Variants in CTNND2 observed in about 807,000 individuals in gnomAD.
CTNND2 encodes catenin delta 2.
CTNND2 carries 22 observed loss-of-function variants against 144.4 expected under a neutral mutation model. That is an observed-to-expected ratio of 0.15 (90% CI 0.11 to 0.22). The LOEUF (loss-of-function observed/expected upper bound fraction) is 0.22, where lower values mean the gene tolerates loss of function less well. CTNND2 is among the 10% of genes least tolerant of loss of function. The pLI is 1.00. For synonymous variants in CTNND2, 751 were observed against 695.6 expected, an observed-to-expected ratio of 1.08 and a Z score of -1.25; for missense variants, 1,353 against 1,618.8, an observed-to-expected ratio of 0.84 and a Z score of 2.82.
At chr5:11,285,725 C>A (rs1747653981) in intron 9 of CTNND2, among the ~76,000 whole-genome samples, 1 of 152,154 alleles carries the variant, frequency 6.6e-6, no homozygotes, top group Non-Finnish European at 1.5e-5. Context: ...ATTCTTACCT[C>A]CGCTTCCCTC....
At chr5:11,240,376 ACACATACACT>A (rs1742165956) in intron 9 of CTNND2, among the ~76,000 whole-genome samples, 2 of 27,844 alleles carry the variant, frequency 7.2e-5, no homozygotes, top group Non-Finnish European at 1.3e-4. Flanking sequence ...CACCCAACAC[ACACATACACT>A]CACACACCCA....
chr5:11,353,803 C>CA lies in CTNND2; in HGVS notation c.1373-7177dup, dbSNP rs762692283. On this transcript the variant is annotated intron_variant, in intron 8 of 21. Transcript: ENST00000304623. ...GGGCGACAAGAGCAAGACTCCATTTCAAAAAAAAAAAAAACATTGTATTAT... is the reference window on the plus strand; with the variant it reads ...GGGCGACAAGAGCAAGACTCCATTTCAAAAAAAAAAAAAAACATTGTATTAT... 6.7e-3 allele frequency among the ~76,000 whole-genome samples: 813 copies of CA among 121,238 alleles called. 2 individuals are homozygous for CA. The highest frequency in any genetic ancestry group is 9.9e-3 in the South Asian group (38 of 3,830). The allele number at this position is 121,238 out of a possible 152,430, so 79.5% of individuals were successfully genotyped here.
At chr5:11,387,418 C>T (rs1023740136) in intron 6 of CTNND2, among the ~76,000 whole-genome samples, 4 of 151,988 alleles carry the variant, frequency 2.6e-5, no homozygotes, top group Admixed American at 1.3e-4. Flanking sequence ...TTGGAGGGTG[C>T]GGAGTGGGCC....
At chr5:11,631,768 C>T (rs1781426751) in intron 2 of CTNND2, among the ~76,000 whole-genome samples, 1 of 152,186 alleles carries the variant, frequency 6.6e-6, no homozygotes, top group Non-Finnish European at 1.5e-5. Context: ...AGACTAATGA[C>T]TCTGATTGGC....
chr5:11,800,951 A>T (rs1003957877), intron 1 of CTNND2, among the ~76,000 whole-genome samples: 2 of 152,194 alleles, frequency 1.3e-5, no homozygotes, highest in Non-Finnish European at 2.9e-5. Context: ...TTCTAATGAG[A>T]AGGTACATAC....
chr5:11,318,408 T>C (rs1156318584), intron 9 of CTNND2, among the ~76,000 whole-genome samples: 1 of 152,138 alleles, frequency 6.6e-6, no homozygotes, highest in Admixed American at 6.6e-5. Flanking sequence ...TCCCTTCAAG[T>C]GGGCACTCAG....
intron 1 of CTNND2, among the ~76,000 whole-genome samples, chr5:11,793,906 G>T (rs1791265040): frequency 6.6e-6 from 1 of 152,206 alleles, no homozygotes; most frequent in South Asian, 2.1e-4. Context: ...TTCCTCATGT[G>T]ACAGTTTTCA....
At chr5:11,032,889 C>T (rs1049469765) in intron 16 of CTNND2, among the ~76,000 whole-genome samples, 1 of 152,184 alleles carries the variant, frequency 6.6e-6, no homozygotes, top group African/African-American at 2.4e-5. Flanking sequence ...CAAGATGGTA[C>T]AACAAATATC....
intron 1 of CTNND2, among the ~76,000 whole-genome samples, chr5:11,748,881 A>T (rs1712999617): frequency 6.6e-6 from 1 of 151,964 alleles, no homozygotes; most frequent in Non-Finnish European, 1.5e-5. Flanking sequence ...GTGACCCTTT[A>T]CACAAATAAT....
At chr5:11,347,250 G>T (rs1754897045) in intron 8 of CTNND2, among the ~76,000 whole-genome samples, 1 of 152,112 alleles carries the variant, frequency 6.6e-6, no homozygotes, top group Non-Finnish European at 1.5e-5. Flanking sequence ...TCTTTTTCAA[G>T]TGAAGCTGTC....
At chr5:11,294,391 C>T (rs1347106526) in intron 9 of CTNND2, among the ~76,000 whole-genome samples, 3 of 152,094 alleles carry the variant, frequency 2.0e-5, no homozygotes, top group Non-Finnish European at 4.4e-5. Context: ...GCCACTTTTT[C>T]ATGGGACATG....
intron 12 of CTNND2, among the ~76,000 whole-genome samples, chr5:11,132,665 C>A (rs1187666516): frequency 6.6e-6 from 1 of 152,158 alleles, no homozygotes; most frequent in African/African-American, 2.4e-5. Flanking sequence ...GCAGGCCAGA[C>A]TGACTAAGAC....
chr5:11,185,367 C>G (rs1158552840), intron 11 of CTNND2, among the ~76,000 whole-genome samples: 1 of 152,228 alleles, frequency 6.6e-6, no homozygotes, highest in Non-Finnish European at 1.5e-5. Context: ...TCTACCCTGA[C>G]TGAGCAACCT....
At chr5:11,875,235 C>T (rs1434433690) in intron 1 of CTNND2, among the ~76,000 whole-genome samples, 5 of 152,170 alleles carry the variant, frequency 3.3e-5, no homozygotes, top group African/African-American at 4.8e-5. Flanking sequence ...GACGATTATA[C>T]GTAGTTCTTC....
At chr5:11,438,628 A>G (rs1436107994) in intron 3 of CTNND2, among the ~76,000 whole-genome samples, 2 of 152,238 alleles carry the variant, frequency 1.3e-5, no homozygotes, top group Admixed American at 6.5e-5. Context: ...ATGATTATTA[A>G]TCTTCATGAT....
At chr5:11,732,114 A>G (rs1439951597) in intron 2 of CTNND2, 22 bp downstream of exon 2, 1 of 1,601,078 alleles carries the variant, frequency 6.2e-7, no homozygotes, top group Admixed American at 1.7e-5. Flanking sequence ...AACGCATATC[A>G]CAAAAATGGG....
chr5:11,244,727 C>T (rs113997947), intron 9 of CTNND2, among the ~76,000 whole-genome samples: 35 of 152,262 alleles, frequency 2.3e-4, no homozygotes, highest in Non-Finnish European at 4.7e-4. Flanking sequence ...CAAGCATATG[C>T]TAAGGAAAAT....
chr5:11,222,062 G>A (rs568535228), intron 10 of CTNND2, among the ~76,000 whole-genome samples: 2 of 152,270 alleles, frequency 1.3e-5, no homozygotes, highest in South Asian at 2.1e-4. Flanking sequence ...AGTGAGTGCC[G>A]GCTCCTTCAC....
chr5:11,086,030 G>T (rs987053466), intron 15 of CTNND2, among the ~76,000 whole-genome samples: 1 of 152,168 alleles, frequency 6.6e-6, no homozygotes, highest in Non-Finnish European at 1.5e-5. Flanking sequence ...GCCCCAGTGT[G>T]GCAAGGGGTA....
Sources: gnomAD v4.1 joint callset for allele counts (sites outside exome capture counted in the v4.1 genomes callset) on GRCh38, gnomAD v4.1.1 for gene constraint, MANE v1.5 for transcripts, NCBI Gene and HGNC (gene_info 2026-07-23, HGNC 2026-07-21) for gene names.